The following FHIT variants were observed in gnomAD, a reference collection of about 807,000 sequenced individuals.
FHIT encodes the protein fragile histidine triad diadenosine triphosphatase, also known as bis(5'-adenosyl)-triphosphatase.
FHIT carries 19 observed loss-of-function variants against 17.9 expected under a neutral mutation model. The observed-to-expected ratio is 1.06, with a 90% CI of 0.74 to 1.56. The LOEUF (loss-of-function observed/expected upper bound fraction) is 1.56, where lower values mean the gene tolerates loss of function less well. Ranked by LOEUF, FHIT falls within the 40% of genes most tolerant of loss-of-function variation. The pLI is 0.00. For missense variants in FHIT, 248 were observed against 189.2 expected (o/e 1.31, Z -1.82); for synonymous variants, 81 against 69.7 (o/e 1.16, Z -0.81).
intron 2 of FHIT, among the ~76,000 whole-genome samples, chr3:61,087,891 C>G (rs1001019878): frequency 2.0e-5 from 3 of 152,066 alleles, no homozygotes; most frequent in African/African-American, 4.8e-5. Flanking sequence ...AAGAATACTA[C>G]AGTATCTCAC....
intron 3 of FHIT, among the ~76,000 whole-genome samples, chr3:61,020,706 A>G (rs1216116685): frequency 1.3e-5 from 2 of 152,204 alleles, no homozygotes; most frequent in East Asian, 1.9e-4. Flanking sequence ...AAATGCCCCA[A>G]TTGAAAGATG....
At chr3:60,489,156 TTC>T (rs60963247) in intron 5 of FHIT, among the ~76,000 whole-genome samples, 14,630 of 152,176 alleles carry the variant, frequency 0.096, 1,114 homozygotes, top group East Asian at 0.39. Flanking sequence ...CTATTATTAT[TTC>T]TCTCTATAAT....
intron 2 of FHIT, among the ~76,000 whole-genome samples, chr3:61,046,462 G>T (rs756628827): frequency 6.6e-6 from 1 of 152,096 alleles, no homozygotes; most frequent in Non-Finnish European, 1.5e-5. Flanking sequence ...TCTCTGAATA[G>T]ACCAATAACA....
intron 7 of FHIT, among the ~76,000 whole-genome samples, chr3:59,976,839 G>T (rs1433501780): frequency 6.6e-6 from 1 of 152,020 alleles, no homozygotes. Context: ...ATACAACAAA[G>T]ACATCCTGAC....
intron 2 of FHIT, among the ~76,000 whole-genome samples, chr3:61,122,540 A>G (rs1182269706): frequency 2.0e-5 from 3 of 152,246 alleles, no homozygotes; most frequent in African/African-American, 7.2e-5. Flanking sequence ...CTGCACAGCA[A>G]AAGAAACTAC....
chr3:60,285,730 G>A (rs975847852), intron 5 of FHIT, among the ~76,000 whole-genome samples: 1 of 152,142 alleles, frequency 6.6e-6, no homozygotes, highest in African/African-American at 2.4e-5. Flanking sequence ...CTGAGATCTT[G>A]GCTGAGACTG....
At chr3:60,971,256 G>T (rs1193564521) in intron 3 of FHIT, among the ~76,000 whole-genome samples, 1 of 152,164 alleles carries the variant, frequency 6.6e-6, no homozygotes, top group Non-Finnish European at 1.5e-5. Context: ...TGTAGTCCCA[G>T]CTACTCAGGA....
At chr3:60,191,634 C>G (rs1702408343) in intron 5 of FHIT, among the ~76,000 whole-genome samples, 2 of 151,780 alleles carry the variant, frequency 1.3e-5, no homozygotes, top group South Asian at 4.2e-4. Flanking sequence ...ATTCATGAGG[C>G]CAGATGAATT....
At chr3:61,121,475 A>G (rs1360717692) in intron 2 of FHIT, among the ~76,000 whole-genome samples, 1 of 152,200 alleles carries the variant, frequency 6.6e-6, no homozygotes, top group African/African-American at 2.4e-5. Flanking sequence ...AGAATTTCAT[A>G]TCCAGCCAAA....
chr3:60,389,536 T>A (rs1238429040), intron 5 of FHIT, among the ~76,000 whole-genome samples: 1 of 152,078 alleles, frequency 6.6e-6, no homozygotes, highest in African/African-American at 2.4e-5. Context: ...CTTGGAAGAT[T>A]TTTAAATGCT....
chr3:60,360,963 C>T (rs554935706), intron 5 of FHIT, among the ~76,000 whole-genome samples: 28 of 152,188 alleles, frequency 1.8e-4, no homozygotes, highest in Non-Finnish European at 3.7e-4. Context: ...GCCTTCCGTC[C>T]GACCCATGTG....
intron 5 of FHIT, among the ~76,000 whole-genome samples, chr3:60,520,096 G>A (rs1251087540): frequency 1.3e-5 from 2 of 152,108 alleles, no homozygotes; most frequent in Admixed American, 6.5e-5. Flanking sequence ...ACTGCAAGTG[G>A]CACCATGTCC....
chr3:61,067,592 C>G lies in FHIT; in HGVS notation c.-163-25493G>C, dbSNP rs548777887. 9.9e-5 allele frequency among the ~76,000 whole-genome samples: 15 copies of G among 152,218 alleles called. No homozygotes were observed. The South Asian group carries it at 2.7e-3, about 27-fold the overall frequency. On this transcript the variant is annotated intron_variant, in intron 2 of 9. Coordinates refer to ENST00000492590, the MANE Select transcript of FHIT (RefSeq NM_002012.4). ...CTTAATTACCCAGTCTCCAGTCCCC[C>G]CAGAGGTCAAATTGATACAACATAG...
intron 3 of FHIT, among the ~76,000 whole-genome samples, chr3:60,862,035 A>G (rs138549335): frequency 1.4e-4 from 22 of 152,250 alleles, no homozygotes; most frequent in African/African-American, 5.3e-4. Flanking sequence ...GGGTCTAGGA[A>G]TTTCAATGTG....
At position 60,192,141 on chromosome 3, in the gene FHIT, C is replaced by T. The variant is rs1186156120; in HGVS notation, c.104-177989G>A. ...TGGTGGGTGCCTGTAATCCCAGCTACTCAGGAGGCGGAGGCAAGAGAATCG... is the reference window on the plus strand; with the variant it reads ...TGGTGGGTGCCTGTAATCCCAGCTATTCAGGAGGCGGAGGCAAGAGAATCG... On this transcript the variant is annotated intron_variant, in intron 5 of 9. Transcript: ENST00000492590. Among the ~76,000 whole-genome samples, 3 of 151,634 alleles carry T rather than the reference C, an allele frequency of 2.0e-5. No homozygotes were observed. In the East Asian group the frequency reaches 5.9e-4, roughly 30 times the overall value.
At chr3:61,030,328 C>T (rs1191408901) in intron 3 of FHIT, among the ~76,000 whole-genome samples, 2 of 152,188 alleles carry the variant, frequency 1.3e-5, no homozygotes, top group Non-Finnish European at 2.9e-5. Context: ...AGAAGCAATG[C>T]TCTAAAGAGA....
At chr3:59,910,930 T>C (rs1704840658) in intron 8 of FHIT, among the ~76,000 whole-genome samples, 2 of 152,182 alleles carry the variant, frequency 1.3e-5, no homozygotes, top group African/African-American at 4.8e-5. Context: ...TTTGCAGACT[T>C]GTAGCCCAGA....
intron 7 of FHIT, among the ~76,000 whole-genome samples, chr3:60,007,603 A>G (rs1293322625): frequency 2.6e-5 from 4 of 152,216 alleles, no homozygotes; most frequent in Non-Finnish European, 4.4e-5. Context: ...GTAACACAAT[A>G]CAGATTAACG....
chr3:60,283,308 G>T (rs1707555382), intron 5 of FHIT, among the ~76,000 whole-genome samples: 1 of 151,830 alleles, frequency 6.6e-6, no homozygotes, highest in African/African-American at 2.4e-5. Flanking sequence ...AAGTCATCCA[G>T]TTCCAATGTT....
Sources: gnomAD v4.1 joint callset for allele counts (sites outside exome capture counted in the v4.1 genomes callset) on GRCh38, gnomAD v4.1.1 for gene constraint, MANE v1.5 for transcripts, NCBI Gene and HGNC (gene_info 2026-07-23, HGNC 2026-07-21) for gene names.